Variants in RFX4 observed in about 807,000 individuals in gnomAD.
RFX4 encodes the protein transcription factor RFX4.
In RFX4, 10 loss-of-function variants were observed where a neutral mutation model predicts 95.0. The ratio of observed to expected loss-of-function variants is 0.11; its 90% CI spans 0.06 to 0.18. RFX4 has a LOEUF of 0.18. Ranked by LOEUF, RFX4 falls within the 10% of genes least tolerant of loss-of-function variation. RFX4 has a pLI of 1.00. For synonymous variants in RFX4, 321 were observed against 340.7 expected, an observed-to-expected ratio of 0.94 and a Z score of 0.64; for missense variants, 640 against 922.0, an observed-to-expected ratio of 0.69 and a Z score of 3.96.
chr12:106,642,503 C>G (rs959663533), intron 3 of RFX4, among the ~76,000 whole-genome samples: 7 of 151,916 alleles, frequency 4.6e-5, no homozygotes, highest in African/African-American at 1.7e-4. Flanking sequence ...GCAGTCTTAC[C>G]TACTCTGGAG....
Position 106,719,946 on chromosome 12 carries a change from C to T in RFX4, c.1139-14C>T. On this transcript the variant is annotated splice_polypyrimidine_tract_variant and intron_variant, in intron 11 of 17. Coordinates refer to ENST00000392842, the MANE Select transcript of RFX4 (RefSeq NM_213594.3). ...ACTGCAGTGATGCGTGTGGGGTTCT[C>T]CTTTGTTTGACAGTATATCAGGAGT... The T allele has an allele frequency of 1.2e-6, 2 of 1,608,540 alleles. No homozygotes were observed. The highest frequency in any genetic ancestry group is 1.7e-6 in the Non-Finnish European group (2 of 1,174,992).
chr12:106,603,091 G>C (rs1054446018), intron 1 of RFX4, among the ~76,000 whole-genome samples: 1 of 152,142 alleles, frequency 6.6e-6, no homozygotes, highest in African/African-American at 2.4e-5. Flanking sequence ...GATAATTATT[G>C]GAAAATGAAT....
At chr12:106,648,556 G>T in intron 3 of RFX4, among the ~76,000 whole-genome samples, 1 of 144,406 alleles carries the variant, frequency 6.9e-6, no homozygotes, top group Non-Finnish European at 1.5e-5. Context: ...AGTTAAAATA[G>T]TTAATATTTT....
At chr12:106,587,613 C>T (rs2137161376) in intron 1 of RFX4, among the ~76,000 whole-genome samples, 1 of 152,350 alleles carries the variant, frequency 6.6e-6, no homozygotes, top group Non-Finnish European at 1.5e-5. Context: ...TCCCTCCTCT[C>T]CGGGTTCTCT....
intron 4 of RFX4, among the ~76,000 whole-genome samples, chr12:106,657,622 C>T (rs2040986044): frequency 6.6e-6 from 1 of 152,140 alleles, no homozygotes; most frequent in Non-Finnish European, 1.5e-5. Flanking sequence ...TGAAAGTTCA[C>T]CCAACTTGGA....
chr12:106,602,050 AGGCAGTGTG>A (rs977691977), intron 1 of RFX4, among the ~76,000 whole-genome samples: 3 of 152,144 alleles, frequency 2.0e-5, no homozygotes, highest in Non-Finnish European at 2.9e-5. Flanking sequence ...TTGCTTGTAG[AGGCAGTGTG>A]GGCAGTGTGG....
Position 106,591,160 on chromosome 12 carries a change from G to T in RFX4, c.43+7797G>T, listed in dbSNP as rs564172340. 1.4e-3 allele frequency among the ~76,000 whole-genome samples: 211 copies of T among 151,936 alleles called. 7 individuals are homozygous for T. In the South Asian group the frequency reaches 0.041, roughly 30 times the overall value. ...TTCTTTCTTTCTTTTTTTCATTAGG[G>T]AGAGGGTGGCAGTGGGAGGAATGCC... On this transcript the variant is annotated intron_variant, in intron 1 of 17. Coordinates refer to ENST00000392842, the MANE Select transcript of RFX4 (RefSeq NM_213594.3).
intron 10 of RFX4, among the ~76,000 whole-genome samples, chr12:106,712,637 C>A (rs897268399): frequency 6.6e-6 from 1 of 152,118 alleles, no homozygotes; most frequent in African/African-American, 2.4e-5. Context: ...CTGGCATGGA[C>A]AGCACAGGGG....
chr12:106,618,457 G>T (rs992996535), intron 2 of RFX4, among the ~76,000 whole-genome samples: 1 of 151,896 alleles, frequency 6.6e-6, no homozygotes, highest in Non-Finnish European at 1.5e-5. Flanking sequence ...ATTTAGGATT[G>T]CTATGTCCTC....
At chr12:106,593,490 T>G (rs974780533) in intron 1 of RFX4, among the ~76,000 whole-genome samples, 1 of 152,226 alleles carries the variant, frequency 6.6e-6, no homozygotes. Context: ...AGATTTTGAA[T>G]GGACATTTGG....
intron 5 of RFX4, chr12:106,684,579 A>C: frequency 1.4e-6 from 1 of 725,544 alleles, no homozygotes; most frequent in Non-Finnish European, 2.1e-6. Flanking sequence ...TGGTCTGAAC[A>C]TATTAGATGA....
chr12:106,747,434 C>T lies in RFX4; in HGVS notation c.1634-3C>T, dbSNP rs1265765720. On this transcript the variant is annotated splice_polypyrimidine_tract_variant and splice_region_variant and intron_variant, in intron 15 of 17. Coordinates refer to ENST00000392842, the MANE Select transcript of RFX4 (RefSeq NM_213594.3). The stretch of plus-strand genomic sequence containing the variant: ...ATCAAGACGTCTTAATTTGTCTCTG[C>T]AGGAGCAATGCAGTCTTACACGTGG... 1 of 1,613,430 alleles carries T rather than the reference C, an allele frequency of 6.2e-7. No individual in the cohort carries two copies. Among genetic ancestry groups the T allele is most frequent in the East Asian group, 2.2e-5 (1 of 44,848 alleles).
chr12:106,665,660 A>T (rs888848986), intron 4 of RFX4, among the ~76,000 whole-genome samples: 5 of 151,962 alleles, frequency 3.3e-5, no homozygotes, highest in Non-Finnish European at 5.9e-5. Context: ...GTTATACTTT[A>T]ACATAAAAAA....
chr12:106,759,026 T>C (rs979781862), intron 17 of RFX4, among the ~76,000 whole-genome samples: 4 of 152,198 alleles, frequency 2.6e-5, no homozygotes, highest in East Asian at 1.9e-4. Context: ...GGGAACATGG[T>C]GTTGAACACA....
At chr12:106,600,788 C>G (rs1281237374) in intron 1 of RFX4, among the ~76,000 whole-genome samples, 2 of 152,156 alleles carry the variant, frequency 1.3e-5, no homozygotes, top group African/African-American at 4.8e-5. Flanking sequence ...CTCACACACC[C>G]AAGCCCACCC....
At chr12:106,627,539 G>T (rs2086842600) in intron 2 of RFX4, among the ~76,000 whole-genome samples, 1 of 151,872 alleles carries the variant, frequency 6.6e-6, no homozygotes, top group East Asian at 1.9e-4. Context: ...CTCCGTCTCA[G>T]AAAAAAACAA....
At chr12:106,684,966 C>T (rs1400241670) in intron 5 of RFX4, 1 of 1,603,060 alleles carries the variant, frequency 6.2e-7, no homozygotes, top group Admixed American at 1.7e-5. Flanking sequence ...TCATCTCTTC[C>T]CTCCTCGCAA....
At chr12:106,757,248 G>T (rs1291944133) in intron 17 of RFX4, among the ~76,000 whole-genome samples, 5 of 152,182 alleles carry the variant, frequency 3.3e-5, no homozygotes, top group Non-Finnish European at 7.3e-5. Flanking sequence ...TAAAGGCTCA[G>T]CAGCAGAGGG....
chr12:106,665,179 C>T (rs902282999), intron 4 of RFX4, among the ~76,000 whole-genome samples: 1 of 151,806 alleles, frequency 6.6e-6, no homozygotes, highest in African/African-American at 2.4e-5. Context: ...TTGTTAGGCA[C>T]ATGTATATTA....
Sources: gnomAD v4.1 joint callset for allele counts (sites outside exome capture counted in the v4.1 genomes callset) on GRCh38, gnomAD v4.1.1 for gene constraint, MANE v1.5 for transcripts, NCBI Gene and HGNC (gene_info 2026-07-23, HGNC 2026-07-21) for gene names.